NHLRC2: variants seen among roughly 807,000 people sequenced by gnomAD.
NHLRC2 encodes the protein NHL repeat containing 2, also known as NHL repeat-containing protein 2.
A neutral mutation model predicts 68.1 loss-of-function variants in NHLRC2; 33 were observed. The observed-to-expected ratio is 0.48, with a 90% CI of 0.37 to 0.65. The LOEUF is 0.65. NHLRC2 is among the 30% of genes least tolerant of loss of function. The pLI is 0.00. For missense variants in NHLRC2, 761 were observed against 853.8 expected, an observed-to-expected ratio of 0.89 and a Z score of 1.35; for synonymous variants, 311 against 309.6, an observed-to-expected ratio of 1.00 and a Z score of -0.05.
At chr10:113,907,780 A>G (rs1055412499) in intron 10 of NHLRC2, among the ~76,000 whole-genome samples, 3 of 152,158 alleles carry the variant, frequency 2.0e-5, no homozygotes, top group African/African-American at 7.2e-5. Flanking sequence ...AATTATTTTT[A>G]GATATTCAAT....
chr10:113,906,170 CA>C (rs1846273417), intron 10 of NHLRC2, among the ~76,000 whole-genome samples: 1 of 152,144 alleles, frequency 6.6e-6, no homozygotes, highest in Non-Finnish European at 1.5e-5. Flanking sequence ...TAAATGGTGT[CA>C]CTGTAGGAGC....
At chr10:113,869,961 T>C (rs1190624437) in intron 2 of NHLRC2, among the ~76,000 whole-genome samples, 1 of 152,172 alleles carries the variant, frequency 6.6e-6, no homozygotes, top group Non-Finnish European at 1.5e-5. Flanking sequence ...ATATGTATCT[T>C]GTGTTTTTCC....
In NHLRC2 at chr10:113,909,478, G is replaced by C. The variant is rs1846305391; in HGVS notation, c.*942G>C. 1 of 151,882 alleles carries C rather than the reference G, an allele frequency of 6.6e-6. No individual in the cohort carries two copies. The highest frequency in any genetic ancestry group is 2.1e-4 in the South Asian group (1 of 4,804). 9.4% of individuals were successfully genotyped at this position (151,882 alleles called of 1,614,324 possible). On this transcript the variant is annotated 3_prime_UTR_variant, in exon 11 of 11. Transcript: ENST00000369301. Reference sequence around the variant, plus strand: ...GAGGTTTTTTTCGTTCCCATATTCAGAATTTAAATTATGATCATTTATTGT... The same window carrying C: ...GAGGTTTTTTTCGTTCCCATATTCACAATTTAAATTATGATCATTTATTGT...
In NHLRC2 at chr10:113,905,053, G is replaced by A. The variant is rs746986898; in HGVS notation, c.1924+17G>A. 8.1e-7 allele frequency: 1 copy of A among 1,237,394 alleles called. No homozygotes were observed. Among genetic ancestry groups the A allele is most frequent in the Non-Finnish European group, 1.1e-6 (1 of 887,998 alleles). The allele number at this position is 1,237,394 out of a possible 1,614,324, so 76.7% of individuals were successfully genotyped here. A position where few individuals can be genotyped will look rare whatever the true frequency, so the allele number is the denominator to read the frequency against. On this transcript the variant is annotated intron_variant, in intron 10 of 10. Transcript: ENST00000369301. ...CAGCTGAAGGTATGAGTATAAGCTT[G>A]CAAATACTAATACATCATATATTCT...
At chr10:113,899,359 T>C (rs1399713323) in intron 6 of NHLRC2, among the ~76,000 whole-genome samples, 2 of 152,204 alleles carry the variant, frequency 1.3e-5, no homozygotes, top group African/African-American at 4.8e-5. Context: ...CCGTTATTAA[T>C]AGAAAGCTGC....
At chr10:113,898,232 G>C (rs757778025) in intron 6 of NHLRC2, 23 bp downstream of exon 6, 46 of 1,429,818 alleles carry the variant, frequency 3.2e-5, no homozygotes, top group Non-Finnish European at 4.4e-5. Flanking sequence ...CTCTCTCTTT[G>C]AGTAGACTGT....
At chr10:113,879,541 A>G in intron 3 of NHLRC2, 33 bp from the exon 4 acceptor site, 1 of 1,560,162 alleles carries the variant, frequency 6.4e-7, no homozygotes, top group Non-Finnish European at 8.7e-7. Flanking sequence ...CCTTGAGATC[A>G]CTTCTTAAGT....
intron 3 of NHLRC2, 93 bp downstream of exon 3, chr10:113,877,069 C>T (rs1316230035): frequency 2.6e-6 from 2 of 755,864 alleles, no homozygotes; most frequent in Admixed American, 6.1e-5. Context: ...TAAATGAAAA[C>T]TAATTATAGA....
In NHLRC2 at chr10:113,909,464, C is replaced by T. The variant is rs1057351303; in HGVS notation, c.*928C>T. 1 of 151,708 alleles carries T rather than the reference C, an allele frequency of 6.6e-6. No homozygotes were observed. The highest frequency in any genetic ancestry group is 1.5e-5 in the Non-Finnish European group (1 of 67,856). 9.4% of individuals were successfully genotyped at this position (151,708 alleles called of 1,614,324 possible). A position where few individuals can be genotyped will look rare whatever the true frequency, so the allele number is the denominator to read the frequency against. ...TGAGTTTAGGTTTTGAGGTTTTTTT[C>T]GTTCCCATATTCAGAATTTAAATTA... On this transcript the variant is annotated 3_prime_UTR_variant, in exon 11 of 11. Transcript: ENST00000369301.
intron 5 of NHLRC2, among the ~76,000 whole-genome samples, chr10:113,893,583 A>G (rs1380058383): frequency 6.6e-6 from 1 of 152,176 alleles, no homozygotes; most frequent in African/African-American, 2.4e-5. Flanking sequence ...TAGAATTCCA[A>G]ACACCTGAAC....
At position 113,909,739 on chromosome 10, in the gene NHLRC2, G is replaced by A. The variant is rs763326476; in HGVS notation, c.*1203G>A. The A allele has an allele frequency of 6.6e-6, 1 of 151,822 alleles. No individual in the cohort carries two copies. The highest frequency in any genetic ancestry group is 1.5e-5 in the Non-Finnish European group (1 of 67,920). The allele number at this position is 151,822 out of a possible 1,614,324, so 9.4% of individuals were successfully genotyped here. A position where few individuals can be genotyped will look rare whatever the true frequency, so the allele number is the denominator to read the frequency against. ...TATAACTACTTAAAAGCCTAATCTTGTTTTCCTTAAGACCTATTCAACATG... is the reference window on the plus strand; with the variant it reads ...TATAACTACTTAAAAGCCTAATCTTATTTTCCTTAAGACCTATTCAACATG... On this transcript the variant is annotated 3_prime_UTR_variant, in exon 11 of 11. Coordinates refer to ENST00000369301, the MANE Select transcript of NHLRC2 (RefSeq NM_198514.4).
At position 113,914,905 on chromosome 10, in the gene NHLRC2, A is replaced by G; in HGVS notation, c.*6369A>G. 2.3e-6 allele frequency: 1 copy of G among 433,554 alleles called. No individual in the cohort carries two copies. The highest frequency in any genetic ancestry group is 1.7e-5 in the South Asian group (1 of 60,306). 26.9% of individuals were successfully genotyped at this position (433,554 alleles called of 1,614,324 possible). The stretch of plus-strand genomic sequence containing the variant: ...TACCTATATGTATTCCATGGCTAAC[A>G]AACCCTGGCCCCTTTACATATGAGC... On this transcript the variant is annotated 3_prime_UTR_variant, in exon 11 of 11. Transcript: ENST00000369301.
chr10:113,896,566 A>G (rs1846179685), intron 5 of NHLRC2, among the ~76,000 whole-genome samples: 1 of 151,724 alleles, frequency 6.6e-6, no homozygotes, highest in Admixed American at 6.6e-5. Flanking sequence ...ACCAAATGCT[A>G]GATGATGAGT....
intron 6 of NHLRC2, among the ~76,000 whole-genome samples, chr10:113,899,082 C>G (rs977227208): frequency 3.3e-5 from 5 of 152,106 alleles, no homozygotes; most frequent in African/African-American, 1.2e-4. Flanking sequence ...TGTATAGTTA[C>G]ATCACTGCAC....
rs193254622 is a variant in NHLRC2, at chr10:113,912,793, C to G, written c.*4257C>G. 3.3e-5 allele frequency: 5 copies of G among 152,134 alleles called. No homozygotes were observed. Among genetic ancestry groups the G allele is most frequent in the African/African-American group, 1.2e-4 (5 of 41,414 alleles). The allele number at this position is 152,134 out of a possible 1,614,324, so 9.4% of individuals were successfully genotyped here. On this transcript the variant is annotated 3_prime_UTR_variant, in exon 11 of 11. Transcript: ENST00000369301. ...AAGAATAGAAAACCGGAATAGTGCT[C>G]GATGCCTGAAGTGGTGCCTGGCGCC... is the stretch of plus-strand genomic sequence containing the variant.
chr10:113,873,101 A>G (rs1845943215), intron 2 of NHLRC2, among the ~76,000 whole-genome samples: 1 of 152,232 alleles, frequency 6.6e-6, no homozygotes, highest in African/African-American at 2.4e-5. Context: ...AATAACGTAC[A>G]AAGCAAGGCA....
At chr10:113,862,614 C>G (rs1173941348) in intron 2 of NHLRC2, among the ~76,000 whole-genome samples, 1 of 152,060 alleles carries the variant, frequency 6.6e-6, no homozygotes, top group Admixed American at 6.6e-5. Flanking sequence ...ATTAAGTCTT[C>G]TAATTGAAAG....
At position 113,915,416 on chromosome 10, in the gene NHLRC2, T is replaced by A. The variant is rs1846373945; in HGVS notation, c.*6880T>A. On this transcript the variant is annotated 3_prime_UTR_variant, in exon 11 of 11. Transcript: ENST00000369301. ...TTACCACAGGCTTGGTGGCTTTAAGTAATATAGCATTAAGCAAATGGTCAG... is the reference window on the plus strand; with the variant it reads ...TTACCACAGGCTTGGTGGCTTTAAGAAATATAGCATTAAGCAAATGGTCAG... 2.8e-6 allele frequency: 1 copy of A among 360,182 alleles called. No homozygotes were observed. The highest frequency in any genetic ancestry group is 2.1e-5 in the African/African-American group (1 of 46,762). The allele number at this position is 360,182 out of a possible 1,614,324, so 22.3% of individuals were successfully genotyped here.
chr10:113,908,757 A>G lies in NHLRC2; in HGVS notation c.*221A>G. ...GCTGATACTAGCTGAGTCATTGATC[A>G]TCATTGGTACCATGATATTGTAATC... On this transcript the variant is annotated 3_prime_UTR_variant, in exon 11 of 11. Coordinates refer to ENST00000369301, the MANE Select transcript of NHLRC2 (RefSeq NM_198514.4). 1.8e-6 allele frequency: 1 copy of G among 557,164 alleles called. No individual in the cohort carries two copies. The highest frequency in any genetic ancestry group is 3.2e-6 in the Non-Finnish European group (1 of 312,914). The allele number at this position is 557,164 out of a possible 1,614,324, so 34.5% of individuals were successfully genotyped here. A position where few individuals can be genotyped will look rare whatever the true frequency, so the allele number is the denominator to read the frequency against.
Sources: allele counts gnomAD v4.1 joint callset (sites outside exome capture counted in the v4.1 genomes callset), GRCh38; gene constraint gnomAD v4.1.1; transcripts MANE v1.5; gene names NCBI Gene and HGNC (gene_info 2026-07-23, HGNC 2026-07-21).